Variants in MT4 observed in about 807,000 individuals in gnomAD.
The protein encoded by MT4 is metallothionein 4.
A neutral mutation model predicts 9.5 loss-of-function variants in MT4; 11 were observed. That is an observed-to-expected ratio of 1.16 (90% CI 0.73 to 1.92). The LOEUF is 1.92. Ranked by LOEUF, MT4 falls within the 30% of genes most tolerant of loss-of-function variation. The pLI is 0.00. For missense variants in MT4, 88 were observed against 78.7 expected, an observed-to-expected ratio of 1.12 and a Z score of -0.45; for synonymous variants, 29 against 24.6, an observed-to-expected ratio of 1.18 and a Z score of -0.53.
intron 2 of MT4, among the ~76,000 whole-genome samples, chr16:56,568,563 G>A (rs1453865963): frequency 6.6e-6 from 1 of 152,034 alleles, no homozygotes; most frequent in Non-Finnish European, 1.5e-5. Flanking sequence ...CACTGGCCTG[G>A]AGTCATGAGC....
chr16:56,565,227 C>T (rs983497799), intron 1 of MT4, 68 bp downstream of exon 1: 54 of 1,538,666 alleles, frequency 3.5e-5, no homozygotes, highest in Middle Eastern at 3.4e-4. Flanking sequence ...GCCTGCAGGT[C>T]CCTGATGAAA....
At chr16:56,568,709 A>G (rs2144262395) in intron 2 of MT4, 132 bp from the exon 3 acceptor site, 1 of 587,824 alleles carries the variant, frequency 1.7e-6, no homozygotes, top group Non-Finnish European at 2.9e-6. Flanking sequence ...CTATCTCAGC[A>G]TTTTTGCTAA....
intron 2 of MT4, among the ~76,000 whole-genome samples, 156 bp downstream of exon 2, chr16:56,567,972 G>A (rs1382841407): frequency 1.3e-5 from 2 of 151,784 alleles, no homozygotes; most frequent in Non-Finnish European, 2.9e-5. Context: ...GGCCAACATG[G>A]TGAAACCCCA....
chr16:56,568,229 A>G (rs757766396), intron 2 of MT4, among the ~76,000 whole-genome samples: 469 of 27,754 alleles, frequency 0.017, 9 homozygotes, highest in Middle Eastern at 0.048. Context: ...GAAAGAAAGA[A>G]AGAAAGAAAG....
At chr16:56,566,574 A>AAGGGAGAAAGGAAGAGAGAG (rs1357613080) in intron 1 of MT4, among the ~76,000 whole-genome samples, 105 of 148,038 alleles carry the variant, frequency 7.1e-4, no homozygotes, top group Non-Finnish European at 1.3e-3. Context: ...GAAAGGGAGA[A>AAGGGAGAAAGGAAGAGAGAG]AGGGAGAAAG....
intron 2 of MT4, 143 bp downstream of exon 2, chr16:56,567,959 C>A: frequency 1.8e-6 from 1 of 566,360 alleles, no homozygotes; most frequent in South Asian, 1.7e-5. Flanking sequence ...TCAAGACCAG[C>A]CTGGCCAACA....
intron 1 of MT4, among the ~76,000 whole-genome samples, chr16:56,567,514 G>A (rs1285417641): frequency 1.3e-5 from 2 of 152,138 alleles, no homozygotes; most frequent in African/African-American, 4.8e-5. Flanking sequence ...CATTTTCACA[G>A]TTATCCCAGG....
intron 1 of MT4, among the ~76,000 whole-genome samples, 183 bp downstream of exon 1, chr16:56,565,342 C>G (rs1238943216): frequency 6.6e-6 from 1 of 152,224 alleles, no homozygotes; most frequent in Non-Finnish European, 1.5e-5. Flanking sequence ...TGGCTCCCAG[C>G]CTGATTTTCT....
chr16:56,568,195 G>GA (rs1959561984), intron 2 of MT4, among the ~76,000 whole-genome samples: 6 of 104,916 alleles, frequency 5.7e-5, no homozygotes, highest in African/African-American at 2.3e-4. Context: ...AAGGAAGGAA[G>GA]GAAGAGAGAG....
At chr16:56,565,330 G>T (rs1483054138) in intron 1 of MT4, among the ~76,000 whole-genome samples, 171 bp downstream of exon 1, 1 of 152,186 alleles carries the variant, frequency 6.6e-6, no homozygotes, top group African/African-American at 2.4e-5. Flanking sequence ...CCCACTCTCT[G>T]TTGGCTCCCA....
intron 2 of MT4, among the ~76,000 whole-genome samples, chr16:56,568,293 GA>G (rs1233622847): frequency 2.2e-4 from 32 of 142,730 alleles, no homozygotes; most frequent in Admixed American, 6.2e-4. Flanking sequence ...AAGAAAGAAA[GA>G]AAGAAAGAAA....
At chr16:56,568,241 A>AGAGAGAGAGAG (rs1959570040) in intron 2 of MT4, among the ~76,000 whole-genome samples, 5 of 28,072 alleles carry the variant, frequency 1.8e-4, no homozygotes, top group African/African-American at 5.0e-4. Flanking sequence ...GAAAGAAAGA[A>AGAGAGAGAGAG]AGAAAGAAAG....
At chr16:56,565,315 C>G (rs1959502960) in intron 1 of MT4, among the ~76,000 whole-genome samples, 156 bp downstream of exon 1, 1 of 152,200 alleles carries the variant, frequency 6.6e-6, no homozygotes, top group African/African-American at 2.4e-5. Context: ...ACCTCTGGGG[C>G]AGCTCCCACT....
rs1567330586 is a variant in MT4, at chr16:56,568,253, A to AG, written c.97+437_97+438insG. On this transcript the variant is annotated intron_variant, in intron 2 of 2. Transcript: ENST00000219162. ...AAAGAAAGAAAGAAAGAAAGAAAGA[A>AG]AGAAAGAGAGAGAGAGAGAGAAAGA... 4.6e-4 allele frequency among the ~76,000 whole-genome samples: 32 copies of AG among 69,246 alleles called. 3 individuals carry two copies. The highest frequency in any genetic ancestry group is 6.7e-3 in the Middle Eastern group (1 of 150). 45.4% of individuals were successfully genotyped at this position (69,246 alleles called of 152,430 possible).
rs543306573 is a variant in MT4, at chr16:56,568,856, G to GC, written c.119dup (p.Cys42LeufsTer?). ...ACTCTTTCAGGCTGCTGTCCCTGCT[G>GC]CCCCCCGGGCTGTGCCAAATGTGCC... On this transcript the variant is annotated frameshift_variant, in exon 3 of 3. Transcript: ENST00000219162. LOFTEE classifies it high-confidence loss of function. 93 of 1,604,058 alleles carry GC rather than the reference G, an allele frequency of 5.8e-5. No individual in the cohort carries two copies. The African/African-American group carries it at 1.1e-3, about 19-fold the overall frequency.
intron 2 of MT4, among the ~76,000 whole-genome samples, chr16:56,568,196 GAAGA>G (rs1567330394): frequency 6.9e-5 from 7 of 100,808 alleles, no homozygotes; most frequent in African/African-American, 2.4e-4. Flanking sequence ...AGGAAGGAAG[GAAGA>G]GAGAGAGAGA....
At chr16:56,567,615 C>A in intron 1 of MT4, 136 bp from the exon 2 acceptor site, 1 of 749,164 alleles carries the variant, frequency 1.3e-6, no homozygotes, top group Non-Finnish European at 2.3e-6. Context: ...GCTCAGCAGC[C>A]TTGTCACCCT....
intron 1 of MT4, among the ~76,000 whole-genome samples, chr16:56,565,876 C>T (rs1959511454): frequency 6.6e-6 from 1 of 151,890 alleles, no homozygotes; most frequent in Non-Finnish European, 1.5e-5. Flanking sequence ...CCAGCCTGGG[C>T]AACATAGCGA....
intron 2 of MT4, among the ~76,000 whole-genome samples, chr16:56,568,233 A>G (rs866456403): frequency 0.021 from 616 of 29,208 alleles, 7 homozygotes; most frequent in Middle Eastern, 0.071. Flanking sequence ...GAAAGAAAGA[A>G]AGAAAGAAAG....
Sources: allele counts gnomAD v4.1 joint callset (sites outside exome capture counted in the v4.1 genomes callset), GRCh38; gene constraint gnomAD v4.1.1; transcripts MANE v1.5; gene names NCBI Gene and HGNC (gene_info 2026-07-23, HGNC 2026-07-21).